Variants in STK24 observed in about 807,000 individuals in gnomAD.
STK24 encodes serine/threonine kinase 24.
In STK24, 21 loss-of-function variants were observed where a neutral mutation model predicts 55.6. That is an observed-to-expected ratio of 0.38 (90% CI 0.27 to 0.54). STK24 has a LOEUF of 0.54. Ranked by LOEUF, STK24 falls within the 20% of genes least tolerant of loss-of-function variation. STK24 has a pLI of 0.79. For missense variants in STK24, 383 were observed against 538.4 expected, an observed-to-expected ratio of 0.71 and a Z score of 2.86; for synonymous variants, 200 against 215.2, an observed-to-expected ratio of 0.93 and a Z score of 0.62.
chr13:98,523,944 T>C (rs1042998955), intron 1 of STK24, among the ~76,000 whole-genome samples: 2 of 152,030 alleles, frequency 1.3e-5, no homozygotes, highest in African/African-American at 4.8e-5. Context: ...CCTCCATCCC[T>C]GCCCTCTTTG....
Position 98,446,556 on chromosome 13 carries a change from A to AG in STK24, c.*6616dup. The AG allele has an allele frequency of 8.6e-7, 1 of 1,158,786 alleles. No individual in the cohort carries two copies. The highest frequency in any genetic ancestry group is 1.9e-5 in the Admixed American group (1 of 53,628). 71.8% of individuals were successfully genotyped at this position (1,158,786 alleles called of 1,614,324 possible). On this transcript the variant is annotated 3_prime_UTR_variant, in exon 11 of 11. Coordinates refer to ENST00000539966, the MANE Select transcript of STK24 (RefSeq NM_001032296.4). ...ATGGTCCCTTCCAGGCCCACGCCCG[A>AG]GGAGGGAGCTGCCTGGGCTCCCAAG...
Position 98,448,739 on chromosome 13 carries a change from GT to G in STK24, c.*4433del, listed in dbSNP as rs1893027305. 3.2e-5 allele frequency: 1 copy of G among 31,272 alleles called. No homozygotes were observed. Among genetic ancestry groups the G allele is most frequent in the Admixed American group, 2.3e-4 (1 of 4,282 alleles). 1.9% of individuals were successfully genotyped at this position (31,272 alleles called of 1,614,324 possible). ...CATTTTACGAAGTGGACTTCCCGGTGTTTGTTTGTTTGTTTGCAATACACTC... is the reference window on the plus strand; with the variant it reads ...CATTTTACGAAGTGGACTTCCCGGTGTTGTTTGTTTGTTTGCAATACACTC... On this transcript the variant is annotated 3_prime_UTR_variant, in exon 11 of 11. Coordinates refer to ENST00000539966, the MANE Select transcript of STK24 (RefSeq NM_001032296.4).
At chr13:98,463,600 C>T in intron 7 of STK24, 91 bp downstream of exon 7, 2 of 1,368,172 alleles carry the variant, frequency 1.5e-6, no homozygotes, top group Non-Finnish European at 1.9e-6. Flanking sequence ...AAAAAAAAAA[C>T]TCAACAGAAA....
intron 3 of STK24, among the ~76,000 whole-genome samples, chr13:98,479,627 C>T (rs190399164): frequency 1.6e-3 from 244 of 152,298 alleles, no homozygotes; most frequent in Non-Finnish European, 2.4e-3. Flanking sequence ...GTCTGCCACC[C>T]AATTTTTAAC....
intron 3 of STK24, among the ~76,000 whole-genome samples, chr13:98,475,710 G>A (rs1370340151): frequency 2.6e-5 from 4 of 151,872 alleles, no homozygotes; most frequent in Non-Finnish European, 4.4e-5. Flanking sequence ...CCCACGACCC[G>A]GCCTGCGCCT....
intron 2 of STK24, among the ~76,000 whole-genome samples, chr13:98,518,958 T>C (rs113047931): frequency 9.9e-6 from 1 of 100,908 alleles, no homozygotes; most frequent in African/African-American, 3.0e-5. Context: ...ATAACTGTTA[T>C]AATAACTTAA....
rs1221239373 is a variant in STK24, at chr13:98,449,302, A to ATATCGTGCCTGTCTT, written c.*3856_*3870dup. ...GAAACTGCGCATTCTCTAGTAGTATATATCGTGCCTGTCTTCAAAAACATT... is the reference window on the plus strand; with the variant it reads ...GAAACTGCGCATTCTCTAGTAGTATATATCGTGCCTGTCTTTATCGTGCCTGTCTTCAAAAACATT... On this transcript the variant is annotated 3_prime_UTR_variant, in exon 11 of 11. Transcript: ENST00000539966. 2 of 152,342 alleles carry ATATCGTGCCTGTCTT rather than the reference A, an allele frequency of 1.3e-5. No homozygotes were observed. The highest frequency in any genetic ancestry group is 1.3e-4 in the Admixed American group (2 of 15,308). The allele number at this position is 152,342 out of a possible 1,614,324, so 9.4% of individuals were successfully genotyped here.
chr13:98,448,461 G>A lies in STK24; in HGVS notation c.*4712C>T, dbSNP rs188335918. 371 of 675,608 alleles carry A rather than the reference G, an allele frequency of 5.5e-4. 4 individuals are homozygous for A. The East Asian group carries it at 8.4e-3, about 15-fold the overall frequency. The allele number at this position is 675,608 out of a possible 1,614,324, so 41.9% of individuals were successfully genotyped here. A position where few individuals can be genotyped will look rare whatever the true frequency, so the allele number is the denominator to read the frequency against. On this transcript the variant is annotated 3_prime_UTR_variant, in exon 11 of 11. Coordinates refer to ENST00000539966, the MANE Select transcript of STK24 (RefSeq NM_001032296.4). ...GCAGCTCTCCTGTCTCCACAGCCGC[G>A]TTTTTTAACCCCGACCTCTCAGCGT...
chr13:98,573,062 A>T (rs1897784131), intron 1 of STK24, among the ~76,000 whole-genome samples: 1 of 152,188 alleles, frequency 6.6e-6, no homozygotes, highest in Non-Finnish European at 1.5e-5. Context: ...CTGATTTCGG[A>T]TGTTCAACAA....
At chr13:98,526,200 G>C (rs1175403210) in intron 1 of STK24, among the ~76,000 whole-genome samples, 1 of 152,194 alleles carries the variant, frequency 6.6e-6, no homozygotes, top group Non-Finnish European at 1.5e-5. Context: ...TTCTTTCTGT[G>C]AACAGATGCT....
intron 9 of STK24, among the ~76,000 whole-genome samples, chr13:98,459,342 C>T (rs1439215502): frequency 1.3e-5 from 2 of 152,246 alleles, no homozygotes; most frequent in East Asian, 1.9e-4. Context: ...CCAGCGGGCT[C>T]GGCTACTTCC....
intron 9 of STK24, among the ~76,000 whole-genome samples, chr13:98,458,749 T>C (rs1893576119): frequency 6.6e-6 from 1 of 152,210 alleles, no homozygotes; most frequent in African/African-American, 2.4e-5. Flanking sequence ...TGGAACGTGC[T>C]GGACCCATCA....
intron 1 of STK24, among the ~76,000 whole-genome samples, chr13:98,568,805 G>A (rs535627632): frequency 6.6e-6 from 1 of 152,158 alleles, no homozygotes; most frequent in African/African-American, 2.4e-5. Flanking sequence ...GGGGGCAGAT[G>A]TTGCAGTGAA....
At chr13:98,544,965 C>A (rs536404731) in intron 1 of STK24, among the ~76,000 whole-genome samples, 1 of 152,232 alleles carries the variant, frequency 6.6e-6, no homozygotes, top group African/African-American at 2.4e-5. Context: ...GAAAAGTGAT[C>A]AGAAAAGATG....
At chr13:98,459,726 C>T (rs1412367272) in intron 9 of STK24, among the ~76,000 whole-genome samples, 1 of 152,270 alleles carries the variant, frequency 6.6e-6, no homozygotes, top group Admixed American at 6.5e-5. Context: ...GTGAGTACCT[C>T]AAAGGCAGCC....
rs184824214 is a variant in STK24, at chr13:98,445,975, G to A, written c.*7198C>T. 3.9e-5 allele frequency: 25 copies of A among 643,418 alleles called. No homozygotes were observed. The highest frequency in any genetic ancestry group is 3.8e-4 in the African/African-American group (21 of 54,864). The allele number at this position is 643,418 out of a possible 1,614,324, so 39.9% of individuals were successfully genotyped here. ...CCCCACACACGGGGGAGCGGGGGTG[G>A]GGCCCACATCCTTCAGTCACGGACA... On this transcript the variant is annotated 3_prime_UTR_variant, in exon 11 of 11. Coordinates refer to ENST00000539966, the MANE Select transcript of STK24 (RefSeq NM_001032296.4).
chr13:98,563,776 C>T (rs1320107240), intron 1 of STK24, among the ~76,000 whole-genome samples: 1 of 151,366 alleles, frequency 6.6e-6, no homozygotes, highest in African/African-American at 2.4e-5. Context: ...AGGAGAATGG[C>T]ATGAACCTGG....
intron 2 of STK24, among the ~76,000 whole-genome samples, chr13:98,498,752 G>A (rs1359940803): frequency 6.6e-6 from 1 of 152,194 alleles, no homozygotes; most frequent in Non-Finnish European, 1.5e-5. Flanking sequence ...GAATCCAGGA[G>A]GCATTACCTG....
chr13:98,456,696 A>T (rs1893472868), intron 10 of STK24: 1 of 376,892 alleles, frequency 2.7e-6, no homozygotes, highest in East Asian at 7.3e-5. Context: ...AACCCCTACC[A>T]AGGAGGCTTC....
Sources: allele counts gnomAD v4.1 joint callset (sites outside exome capture counted in the v4.1 genomes callset), GRCh38; gene constraint gnomAD v4.1.1; transcripts MANE v1.5; gene names NCBI Gene and HGNC (gene_info 2026-07-23, HGNC 2026-07-21).